Variants in PDIA5 observed in about 807,000 individuals in gnomAD.
PDIA5 encodes the protein protein disulfide isomerase family A member 5.
PDIA5 carries 58 observed loss-of-function variants against 77.6 expected under a neutral mutation model. The ratio of observed to expected loss-of-function variants is 0.75; its 90% CI spans 0.61 to 0.93. The LOEUF (loss-of-function observed/expected upper bound fraction) is 0.93, where lower values mean the gene tolerates loss of function less well. Among genes scored for constraint, PDIA5 ranks in the 40% least tolerant of loss-of-function variants. The probability of loss-of-function intolerance (pLI) is 0.00; values close to 1 mark genes in which losing one functional copy is unlikely to be tolerated. For missense variants in PDIA5, 630 were observed against 647.7 expected, an observed-to-expected ratio of 0.97 and a Z score of 0.30; for synonymous variants, 250 against 252.1, an observed-to-expected ratio of 0.99 and a Z score of 0.08.
chr3:123,079,175 CT>C (rs35252405), intron 1 of PDIA5, among the ~76,000 whole-genome samples: 186 of 94,064 alleles, frequency 2.0e-3, no homozygotes, highest in East Asian at 8.5e-3. Context: ...ATTTTGAATT[CT>C]TTTTTTTTTT....
At chr3:123,146,468 G>A (rs1489678448) in intron 13 of PDIA5, among the ~76,000 whole-genome samples, 1 of 152,214 alleles carries the variant, frequency 6.6e-6, no homozygotes, top group East Asian at 1.9e-4. Context: ...CCTTCTGGAC[G>A]CAGCTTCATC....
At chr3:123,110,833 C>T (rs999565218) in intron 6 of PDIA5, 111 bp from the exon 7 acceptor site, 4 of 905,246 alleles carry the variant, frequency 4.4e-6, no homozygotes, top group Admixed American at 1.7e-5. Flanking sequence ...ACTCCCCCTC[C>T]CCTCCCCATC....
At chr3:123,151,855 GCCCTCCTTCCTT>G (rs1935910728) in intron 14 of PDIA5, among the ~76,000 whole-genome samples, 1 of 120,912 alleles carries the variant, frequency 8.3e-6, no homozygotes. Flanking sequence ...CTTCCTTCCT[GCCCTCCTTCCTT>G]CCTGCCCGCC....
At position 123,110,139 on chromosome 3, in the gene PDIA5, T is replaced by C. The variant is rs1176695889; in HGVS notation, c.481-805T>C. Among the ~76,000 whole-genome samples, 4 of 152,194 alleles carry C rather than the reference T, an allele frequency of 2.6e-5. No homozygotes were observed. In the East Asian group the frequency reaches 5.8e-4, roughly 22 times the overall value. On this transcript the variant is annotated intron_variant, in intron 6 of 16. Coordinates refer to ENST00000316218, the MANE Select transcript of PDIA5 (RefSeq NM_006810.4). Reference sequence around the variant, plus strand: ...TAGAGTTGCTTTTTCCCATCCATCATTGGCTCTCATTGGAAGAAAAGTCTC... The same window carrying C: ...TAGAGTTGCTTTTTCCCATCCATCACTGGCTCTCATTGGAAGAAAAGTCTC...
At chr3:123,094,535 A>T (rs1186869214) in intron 3 of PDIA5, among the ~76,000 whole-genome samples, 1 of 152,238 alleles carries the variant, frequency 6.6e-6, no homozygotes, top group Admixed American at 6.5e-5. Flanking sequence ...GCCTGTAATC[A>T]TCAGGGCATG....
intron 7 of PDIA5, among the ~76,000 whole-genome samples, chr3:123,114,373 C>A (rs1220311245): frequency 6.6e-6 from 1 of 152,106 alleles, no homozygotes; most frequent in Non-Finnish European, 1.5e-5. Flanking sequence ...AGCACCCCCC[C>A]AAATCCTGGC....
At chr3:123,072,042 G>A (rs1278366387) in intron 1 of PDIA5, among the ~76,000 whole-genome samples, 5 of 143,224 alleles carry the variant, frequency 3.5e-5, no homozygotes, top group Non-Finnish European at 4.6e-5. Flanking sequence ...TGGGGGACTC[G>A]ATTCTGTAGG....
chr3:123,110,913 G>C, intron 6 of PDIA5, 31 bp from the exon 7 acceptor site: 2 of 1,584,784 alleles, frequency 1.3e-6, no homozygotes, highest in East Asian at 2.2e-5. Flanking sequence ...TGTTGTGTGC[G>C]AGCTGCTGGT....
At chr3:123,068,092 G>A (rs778689072) in intron 1 of PDIA5, among the ~76,000 whole-genome samples, 10 of 152,148 alleles carry the variant, frequency 6.6e-5, no homozygotes, top group Non-Finnish European at 1.3e-4. Context: ...GTGGGTGTGT[G>A]ATGAGATATT....
At position 123,067,104 on chromosome 3, in the gene PDIA5, G is replaced by T; in HGVS notation, c.-61G>T. 1 of 1,212,346 alleles carries T rather than the reference G, an allele frequency of 8.2e-7. No individual in the cohort carries two copies. The highest frequency in any genetic ancestry group is 1.6e-5 in the African/African-American group (1 of 64,054). The allele number at this position is 1,212,346 out of a possible 1,614,324, so 75.1% of individuals were successfully genotyped here. A position where few individuals can be genotyped will look rare whatever the true frequency, so the allele number is the denominator to read the frequency against. ...GTTGGCCGCGGTGGAGCTAGCAGGC[G>T]GGCGGGCGGGAGCGGGCGCCGGAGT... On this transcript the variant is annotated 5_prime_UTR_variant, in exon 1 of 17. Coordinates refer to ENST00000316218, the MANE Select transcript of PDIA5 (RefSeq NM_006810.4).
chr3:123,089,108 G>A (rs1001725509), intron 1 of PDIA5, 60 bp from the exon 2 acceptor site: 25 of 1,558,228 alleles, frequency 1.6e-5, no homozygotes, highest in Admixed American at 1.8e-5. Flanking sequence ...CATGGGCACC[G>A]ATTCTTCTGG....
At chr3:123,158,790 C>T (rs1037579001) in intron 15 of PDIA5, among the ~76,000 whole-genome samples, 8 of 152,308 alleles carry the variant, frequency 5.3e-5, no homozygotes, top group East Asian at 3.9e-4. Context: ...ATTGAGAAAT[C>T]GTAGGTGTTC....
rs1199465419 is a variant in PDIA5 at position 123,102,505 on chromosome 3, A to G, written c.341+11A>G. 5 of 1,600,942 alleles carry G rather than the reference A, an allele frequency of 3.1e-6. No individual in the cohort carries two copies. Among genetic ancestry groups the G allele is most frequent in the African/African-American group, 1.3e-5 (1 of 74,710 alleles). ...ATTATTCCATTACCAGTAAGTACACATGGGCATTTCCAATTTCCAAGTAAG... is the reference window on the plus strand; with the variant it reads ...ATTATTCCATTACCAGTAAGTACACGTGGGCATTTCCAATTTCCAAGTAAG... On this transcript the variant is annotated intron_variant, in intron 4 of 16. Transcript: ENST00000316218.
intron 5 of PDIA5, among the ~76,000 whole-genome samples, chr3:123,105,739 G>GCACA (rs3080448): frequency 1.2e-4 from 18 of 149,974 alleles, no homozygotes; most frequent in African/African-American, 4.4e-4. Flanking sequence ...CCACACACAC[G>GCACA]CACACACACA....
intron 3 of PDIA5, among the ~76,000 whole-genome samples, chr3:123,097,482 A>G (rs1934472432): frequency 1.3e-5 from 2 of 152,122 alleles, no homozygotes; most frequent in South Asian, 4.1e-4. Context: ...GAAACAGCCA[A>G]CTCAGGGAGG....
intron 10 of PDIA5, 121 bp downstream of exon 10, chr3:123,124,464 A>ACTGC: frequency 1.3e-6 from 1 of 766,128 alleles, no homozygotes; most frequent in Admixed American, 1.8e-5. Flanking sequence ...GAATTGTGGT[A>ACTGC]CTGCCTACAC....
At chr3:123,078,293 G>A (rs1360343233) in intron 1 of PDIA5, among the ~76,000 whole-genome samples, 2 of 152,234 alleles carry the variant, frequency 1.3e-5, no homozygotes, top group Non-Finnish European at 2.9e-5. Flanking sequence ...CATAAGCACT[G>A]CACGTACGTG....
rs370785226 is a variant in PDIA5 at position 123,095,857 on chromosome 3, G to A, written c.257+3415G>A. 1.6e-4 allele frequency among the ~76,000 whole-genome samples: 25 copies of A among 152,204 alleles called. No individual in the cohort carries two copies. In the East Asian group the frequency reaches 4.6e-3, roughly 28 times the overall value. On this transcript the variant is annotated intron_variant, in intron 3 of 16. Transcript: ENST00000316218. Reference sequence around the variant, plus strand: ...GGCTCTGACATCAAATAGCTGTGGGGCCTTTGGCAAGTCACTGCCCTTCTC... The same window carrying A: ...GGCTCTGACATCAAATAGCTGTGGGACCTTTGGCAAGTCACTGCCCTTCTC...
Position 123,161,192 on chromosome 3 carries a change from T to A in PDIA5, c.1345-129T>A, listed in dbSNP as rs1576470443. ...TGAGCTGGGGGTGCTTTGGTTCAGTTCCTACCTGCCACTGAGGAGAAAAAT... is the reference window on the plus strand; with the variant it reads ...TGAGCTGGGGGTGCTTTGGTTCAGTACCTACCTGCCACTGAGGAGAAAAAT... On this transcript the variant is annotated intron_variant, in intron 15 of 16. Transcript: ENST00000316218. 1.5e-5 allele frequency: 14 copies of A among 964,158 alleles called. No individual in the cohort carries two copies. The South Asian group carries it at 2.3e-4, about 16-fold the overall frequency. The allele number at this position is 964,158 out of a possible 1,614,324, so 59.7% of individuals were successfully genotyped here. A position where few individuals can be genotyped will look rare whatever the true frequency, so the allele number is the denominator to read the frequency against.
Sources: gnomAD v4.1 joint callset for allele counts (sites outside exome capture counted in the v4.1 genomes callset) on GRCh38, gnomAD v4.1.1 for gene constraint, MANE v1.5 for transcripts, NCBI Gene and HGNC (gene_info 2026-07-23, HGNC 2026-07-21) for gene names.